RAD51B: variants seen among roughly 807,000 people sequenced by gnomAD.
RAD51B encodes the protein DNA repair protein RAD51 homolog 2.
A neutral mutation model predicts 42.2 loss-of-function variants in RAD51B; 38 were observed. The observed-to-expected ratio is 0.90, with a 90% confidence interval of 0.70 to 1.18. The LOEUF (loss-of-function observed/expected upper bound fraction) is 1.18, where lower values mean the gene tolerates loss of function less well. Ranked by LOEUF, RAD51B falls within the 50% of genes most tolerant of loss-of-function variation. RAD51B has a pLI of 0.00. For missense variants in RAD51B, 373 were observed against 400.7 expected, an observed-to-expected ratio of 0.93 and a Z score of 0.59; for synonymous variants, 154 against 145.2, an observed-to-expected ratio of 1.06 and a Z score of -0.43.
chr14:68,638,772 G>C (rs1260215069), intron 10 of RAD51B, among the ~76,000 whole-genome samples: 1 of 152,166 alleles, frequency 6.6e-6, no homozygotes, highest in Non-Finnish European at 1.5e-5. Flanking sequence ...CAAGCAGAGG[G>C]CTGTGAGCTT....
At chr14:68,197,706 G>A (rs762530836) in intron 7 of RAD51B, among the ~76,000 whole-genome samples, 1 of 152,050 alleles carries the variant, frequency 6.6e-6, no homozygotes, top group South Asian at 2.1e-4. Flanking sequence ...GTCTTGCACT[G>A]TAATTTTAAT....
At chr14:68,588,268 T>C (rs949161244) in intron 10 of RAD51B, among the ~76,000 whole-genome samples, 2 of 152,226 alleles carry the variant, frequency 1.3e-5, no homozygotes, top group Non-Finnish European at 2.9e-5. Context: ...AGGCTCGACC[T>C]GGTACCAGCA....
At chr14:68,300,174 G>A (rs2081698254) in intron 8 of RAD51B, among the ~76,000 whole-genome samples, 1 of 152,144 alleles carries the variant, frequency 6.6e-6, no homozygotes, top group Admixed American at 6.5e-5. Context: ...GTAGGACTGT[G>A]TAGCTCTGTT....
chr14:68,032,539 A>G (rs1461886946), intron 7 of RAD51B, among the ~76,000 whole-genome samples: 1 of 152,110 alleles, frequency 6.6e-6, no homozygotes, highest in African/African-American at 2.4e-5. Context: ...TGCCCTCTCT[A>G]CATTTAATCA....
chr14:68,059,014 C>G (rs1595339130), intron 7 of RAD51B, among the ~76,000 whole-genome samples: 1 of 152,178 alleles, frequency 6.6e-6, no homozygotes, highest in Non-Finnish European at 1.5e-5. Flanking sequence ...GATAACCCCT[C>G]TAAGCCTCCA....
chr14:68,675,919 T>G (rs1456670287), intron 11 of RAD51B, among the ~76,000 whole-genome samples: 1 of 152,102 alleles, frequency 6.6e-6, no homozygotes, highest in African/African-American at 2.4e-5. Context: ...AGCCTTGGAG[T>G]GCTTATGGCA....
intron 10 of RAD51B, among the ~76,000 whole-genome samples, chr14:68,475,057 A>G (rs1882444859): frequency 6.6e-6 from 1 of 152,192 alleles, no homozygotes; most frequent in Admixed American, 6.5e-5. Context: ...CCATCCCAGT[A>G]GCAGGATGTG....
At chr14:68,414,548 A>G (rs1190232737) in intron 9 of RAD51B, among the ~76,000 whole-genome samples, 1 of 152,144 alleles carries the variant, frequency 6.6e-6, no homozygotes, top group Non-Finnish European at 1.5e-5. Flanking sequence ...GTAGAAGACT[A>G]GTTCCTGCCC....
At chr14:68,172,061 TG>T (rs1292129998) in intron 7 of RAD51B, among the ~76,000 whole-genome samples, 2 of 152,240 alleles carry the variant, frequency 1.3e-5, no homozygotes, top group African/African-American at 4.8e-5. Flanking sequence ...TCAACACCTC[TG>T]TATCATAGCC....
At chr14:68,392,969 C>T (rs1403460318) in intron 8 of RAD51B, among the ~76,000 whole-genome samples, 9 of 152,198 alleles carry the variant, frequency 5.9e-5, no homozygotes, top group Non-Finnish European at 4.4e-5. Flanking sequence ...GTTTTAGTTC[C>T]AGTTCTGCCT....
chr14:67,960,180 C>T (rs2074635455), intron 7 of RAD51B, among the ~76,000 whole-genome samples: 1 of 151,802 alleles, frequency 6.6e-6, no homozygotes, highest in African/African-American at 2.4e-5. Context: ...AAATATACTA[C>T]TTGACAGAAA....
At chr14:68,389,658 A>C (rs2083691783) in intron 8 of RAD51B, among the ~76,000 whole-genome samples, 1 of 152,136 alleles carries the variant, frequency 6.6e-6, no homozygotes, top group African/African-American at 2.4e-5. Flanking sequence ...ATGTGTTCTA[A>C]ATGTTGGTCG....
intron 7 of RAD51B, among the ~76,000 whole-genome samples, chr14:68,277,020 G>A (rs1168006590): frequency 6.6e-6 from 1 of 152,176 alleles, no homozygotes; most frequent in Non-Finnish European, 1.5e-5. Context: ...AACATGGTGA[G>A]TGTTAGGGAA....
chr14:68,091,393 A>T (rs374830311), intron 7 of RAD51B, among the ~76,000 whole-genome samples: 2 of 152,056 alleles, frequency 1.3e-5, no homozygotes, highest in Admixed American at 6.6e-5. Context: ...TGATCGCCAT[A>T]CTAACTGGTG....
intron 7 of RAD51B, among the ~76,000 whole-genome samples, chr14:68,191,914 C>T (rs2079275375): frequency 6.6e-6 from 1 of 152,192 alleles, no homozygotes; most frequent in African/African-American, 2.4e-5. Context: ...AATGTTTGGA[C>T]ATCATTCAAG....
At chr14:68,607,713 G>C (rs1248943797) in intron 10 of RAD51B, among the ~76,000 whole-genome samples, 2 of 152,218 alleles carry the variant, frequency 1.3e-5, no homozygotes, top group Non-Finnish European at 2.9e-5. Flanking sequence ...GCTGTGGACA[G>C]ATACCATGGG....
chr14:68,558,933 T>G (rs1888999443), intron 10 of RAD51B, among the ~76,000 whole-genome samples: 1 of 152,150 alleles, frequency 6.6e-6, no homozygotes, highest in Non-Finnish European at 1.5e-5. Context: ...ACTCCGTATC[T>G]GTGTGTAAGT....
intron 7 of RAD51B, among the ~76,000 whole-genome samples, chr14:68,036,539 G>C (rs1056524236): frequency 1.3e-5 from 2 of 152,222 alleles, no homozygotes; most frequent in Non-Finnish European, 2.9e-5. Context: ...TTTGGACAGA[G>C]AGTGCCTTTA....
chr14:67,983,927 GT>G (rs1010374119), intron 7 of RAD51B, among the ~76,000 whole-genome samples: 136 of 145,164 alleles, frequency 9.4e-4, no homozygotes, highest in Middle Eastern at 3.6e-3. Context: ...GACAGGGCTG[GT>G]TTTTTTTTTT....
Sources: gnomAD v4.1 joint callset for allele counts (sites outside exome capture counted in the v4.1 genomes callset) on GRCh38, gnomAD v4.1.1 for gene constraint, MANE v1.5 for transcripts, NCBI Gene and HGNC (gene_info 2026-07-23, HGNC 2026-07-21) for gene names.